EYS: variants seen among roughly 807,000 people sequenced by gnomAD.
EYS encodes the protein EGF-like photoreceptor maintenance factor.
In EYS, 250 loss-of-function variants were observed where a neutral mutation model predicts 282.1. That is an observed-to-expected ratio of 0.89 (90% CI 0.80 to 0.98). EYS has a LOEUF of 0.98. Ranked by LOEUF, EYS falls within the 50% of genes least tolerant of loss-of-function variation. EYS has a pLI of 0.00. For synonymous variants in EYS, 1,355 were observed against 1,282.9 expected, an observed-to-expected ratio of 1.06 and a Z score of -1.20; for missense variants, 4,016 against 3,709.0, an observed-to-expected ratio of 1.08 and a Z score of -2.15.
intron 2 of EYS, among the ~76,000 whole-genome samples, chr6:65,619,223 T>C (rs1766363554): frequency 6.6e-6 from 1 of 151,724 alleles, no homozygotes. Context: ...TCCTCTTTTA[T>C]TTCATTGAGC....
Position 64,902,225 on chromosome 6 carries a change from T to G in EYS, c.2739-5A>C. 1.3e-6 allele frequency: 2 copies of G among 1,542,148 alleles called. No homozygotes were observed. Among genetic ancestry groups the G allele is most frequent in the Non-Finnish European group, 1.8e-6 (2 of 1,140,226 alleles). On this transcript the variant is annotated splice_polypyrimidine_tract_variant and splice_region_variant and intron_variant, in intron 17 of 42. Coordinates refer to ENST00000503581, the MANE Select transcript of EYS (RefSeq NM_001142800.2). Reference sequence around the variant, plus strand: ...AACCCAGGTCTGCAAATACACCTTTTAAACAAAAAATTTAGTAACTCCATT... The same window carrying G: ...AACCCAGGTCTGCAAATACACCTTTGAAACAAAAAATTTAGTAACTCCATT...
At chr6:64,703,560 T>A (rs6932647) in intron 22 of EYS, among the ~76,000 whole-genome samples, 1 of 149,182 alleles carries the variant, frequency 6.7e-6, no homozygotes. Flanking sequence ...AGCCTCCCGA[T>A]TAGCTGGGAC....
rs909226288 is a variant in EYS at position 63,895,536 on chromosome 6, A to G, written c.7056-31178T>C. On this transcript the variant is annotated intron_variant, in intron 35 of 42. Transcript: ENST00000503581. ...CAACCTGTGCTAGCCATTCTATGAAATTTGTGTACTCTGTGGATAATTTTA... is the reference window on the plus strand; with the variant it reads ...CAACCTGTGCTAGCCATTCTATGAAGTTTGTGTACTCTGTGGATAATTTTA... 7.2e-5 allele frequency among the ~76,000 whole-genome samples: 11 copies of G among 152,202 alleles called. No individual in the cohort carries two copies. The East Asian group carries it at 2.1e-3, about 29-fold the overall frequency.
chr6:63,889,131 T>A (rs1432860145), intron 35 of EYS, among the ~76,000 whole-genome samples: 2 of 152,084 alleles, frequency 1.3e-5, no homozygotes, highest in Admixed American at 6.6e-5. Context: ...CCAAGAAATA[T>A]GGGACTATGT....
intron 19 of EYS, among the ~76,000 whole-genome samples, chr6:64,862,266 C>T (rs949168094): frequency 6.6e-6 from 1 of 152,134 alleles, no homozygotes; most frequent in African/African-American, 2.4e-5. Context: ...AATTCTGCTT[C>T]TGTTCAGCTG....
At chr6:64,822,964 T>A in intron 19 of EYS, 142 bp from the exon 20 acceptor site, 1 of 643,840 alleles carries the variant, frequency 1.6e-6, no homozygotes, top group Non-Finnish European at 2.6e-6. Context: ...AAAGAAAATA[T>A]ATTTCAAGGT....
At chr6:64,350,099 T>G (rs669983) in intron 29 of EYS, among the ~76,000 whole-genome samples, 108,564 of 151,264 alleles carry the variant, frequency 0.72, 39,157 homozygotes, top group African/African-American at 0.79. Context: ...TGTCAGAAAA[T>G]AAGTCATTTT....
chr6:65,676,187 A>G (rs1381735397), intron 1 of EYS, among the ~76,000 whole-genome samples: 2 of 151,932 alleles, frequency 1.3e-5, no homozygotes, highest in Admixed American at 6.6e-5. Context: ...AAAAAGAAGA[A>G]CAAAATAAGC....
intron 29 of EYS, among the ~76,000 whole-genome samples, chr6:64,371,830 G>C (rs933132853): frequency 6.6e-6 from 1 of 151,848 alleles, no homozygotes; most frequent in African/African-American, 2.4e-5. Context: ...AAAATTAAAA[G>C]AGCACCCCTT....
In EYS at chr6:65,619,024, T is replaced by A. The variant is rs528760618; in HGVS notation, c.-333+20754A>T. 2.6e-5 allele frequency among the ~76,000 whole-genome samples: 4 copies of A among 152,302 alleles called. No homozygotes were observed. The South Asian group carries it at 8.3e-4, about 32-fold the overall frequency. ...TTTTTTCTTTTGGCTTCAGATTGAC[T>A]TGGCGATGCGGGCTCTTTTTTGGTT... is the stretch of plus-strand genomic sequence containing the variant. On this transcript the variant is annotated intron_variant, in intron 2 of 42. Transcript: ENST00000503581.
At chr6:65,427,412 A>G (rs572485282) in intron 5 of EYS, among the ~76,000 whole-genome samples, 1 of 152,020 alleles carries the variant, frequency 6.6e-6, no homozygotes, top group Non-Finnish European at 1.5e-5. Flanking sequence ...TGCATTGACT[A>G]TCTCATGTTA....
intron 14 of EYS, among the ~76,000 whole-genome samples, chr6:64,986,640 C>G (rs1396817357): frequency 4.0e-5 from 6 of 151,110 alleles, no homozygotes; most frequent in Non-Finnish European, 3.0e-5. Context: ...CCAATTGTCT[C>G]CTCTTAGAAA....
chr6:64,187,749 G>A (rs1764990217), intron 31 of EYS, among the ~76,000 whole-genome samples: 1 of 152,068 alleles, frequency 6.6e-6, no homozygotes, highest in Admixed American at 6.6e-5. Context: ...AACTGCATAT[G>A]TGAAATAACT....
intron 28 of EYS, among the ~76,000 whole-genome samples, chr6:64,431,668 C>T (rs1174721734): frequency 6.6e-6 from 1 of 152,068 alleles, no homozygotes; most frequent in Non-Finnish European, 1.5e-5. Context: ...CTATTGCATA[C>T]GATGTAGTTC....
At position 65,023,041 on chromosome 6, in the gene EYS, G is replaced by C. The variant is rs374130070; in HGVS notation, c.2138-25338C>G. ...GAAGAGAGGACTGTTAATGGGTATG[G>C]CTTTTATTTTGGTGGTGGTGAGATG... On this transcript the variant is annotated intron_variant, in intron 13 of 42. Coordinates refer to ENST00000503581, the MANE Select transcript of EYS (RefSeq NM_001142800.2). 7.2e-5 allele frequency among the ~76,000 whole-genome samples: 11 copies of C among 152,176 alleles called. No individual in the cohort carries two copies. The South Asian group carries it at 2.3e-3, about 32-fold the overall frequency.
intron 14 of EYS, among the ~76,000 whole-genome samples, chr6:64,968,606 C>A (rs1770180663): frequency 6.6e-6 from 1 of 152,066 alleles, no homozygotes; most frequent in South Asian, 2.1e-4. Context: ...GAAAATAAAA[C>A]AATCACATTA....
intron 12 of EYS, among the ~76,000 whole-genome samples, chr6:65,241,221 AATAG>A (rs1271302194): frequency 6.6e-6 from 1 of 152,138 alleles, no homozygotes; most frequent in African/African-American, 2.4e-5. Context: ...AAAATCACGA[AATAG>A]ATATACTCAT....
chr6:64,714,519 T>TTC (rs1583071593), intron 22 of EYS, among the ~76,000 whole-genome samples: 1 of 1,822 alleles, frequency 5.5e-4, no homozygotes, highest in African/African-American at 6.9e-4. Flanking sequence ...TTTCTTTCTT[T>TTC]TTTTTTTTTT....
intron 22 of EYS, among the ~76,000 whole-genome samples, chr6:64,651,801 A>G (rs936974585): frequency 1.3e-5 from 2 of 152,244 alleles, no homozygotes; most frequent in East Asian, 3.8e-4. Flanking sequence ...AACATAAAGA[A>G]AGACATATTA....
Sources: gnomAD v4.1 joint callset for allele counts (sites outside exome capture counted in the v4.1 genomes callset) on GRCh38, gnomAD v4.1.1 for gene constraint, MANE v1.5 for transcripts, NCBI Gene and HGNC (gene_info 2026-07-23, HGNC 2026-07-21) for gene names.